Variants in TEX11 observed in about 807,000 individuals in gnomAD.
TEX11 encodes testis expressed 11, also known as testis-expressed protein 11.
A neutral mutation model predicts 84.4 loss-of-function variants in TEX11; 7 were observed. That is an observed-to-expected ratio of 0.08 (90% CI 0.05 to 0.16). The LOEUF (loss-of-function observed/expected upper bound fraction) is 0.16. TEX11 is among the 10% of genes least tolerant of loss of function. TEX11 has a pLI of 1.00. For missense variants in TEX11, 551 were observed against 660.5 expected (o/e 0.83, Z 1.82); for synonymous variants, 264 against 222.8 (o/e 1.18, Z -1.64).
intron 25 of TEX11, among the ~76,000 whole-genome samples, chrX:70,555,413 C>T (rs1185551600): frequency 3.6e-5 from 4 of 111,886 alleles, no homozygotes; most frequent in African/African-American, 1.3e-4. Context: ...ATATATACAA[C>T]AAACTGAAAG....
At chrX:70,574,768 C>T (rs1353984550) in intron 25 of TEX11, among the ~76,000 whole-genome samples, 1 of 111,635 alleles carries the variant, frequency 9.0e-6, no homozygotes, top group Non-Finnish European at 1.9e-5. Context: ...AAGTAGTCAA[C>T]ACACAGGTTA....
chrX:70,601,615 T>C (rs1187656401), intron 24 of TEX11, among the ~76,000 whole-genome samples: 2 of 89,038 alleles, frequency 2.2e-5, no homozygotes, highest in Admixed American at 2.7e-4. Flanking sequence ...AGGACAATAG[T>C]GGAGGGAAGG....
chrX:70,805,401 T>C (rs1034649967), intron 9 of TEX11, among the ~76,000 whole-genome samples: 1 of 109,412 alleles, frequency 9.1e-6, no homozygotes, highest in South Asian at 3.9e-4. Flanking sequence ...GATCCATTTT[T>C]TTTTCTTTTT....
intron 13 of TEX11, among the ~76,000 whole-genome samples, chrX:70,707,285 A>T (rs922510027): frequency 9.9e-5 from 11 of 111,329 alleles, no homozygotes; most frequent in African/African-American, 2.9e-4. Flanking sequence ...GTGCTGTCTT[A>T]TATTATTATC....
the TEX11 span, among the ~76,000 whole-genome samples, chrX:70,521,262 G>A: frequency 3.6e-5 from 4 of 110,664 alleles, no homozygotes; most frequent in African/African-American, 1.3e-4. Context: ...TTCCTATTTG[G>A]CCATCTTGGA....
intron 4 of TEX11, among the ~76,000 whole-genome samples, chrX:70,866,663 C>T (rs2091600876): frequency 9.0e-6 from 1 of 111,481 alleles, no homozygotes; most frequent in East Asian, 2.8e-4. Context: ...ACTGGCAAAT[C>T]GAATCCAGCA....
chrX:70,660,909 C>T (rs2089918509), intron 16 of TEX11, among the ~76,000 whole-genome samples: 1 of 111,206 alleles, frequency 9.0e-6, no homozygotes, highest in Non-Finnish European at 1.9e-5. Flanking sequence ...CCAAGATGGC[C>T]GAATAGAAAC....
At chrX:70,732,103 AC>A (rs1010617712) in intron 11 of TEX11, among the ~76,000 whole-genome samples, 3 of 111,489 alleles carry the variant, frequency 2.7e-5, no homozygotes, top group African/African-American at 6.5e-5. Flanking sequence ...AAATTCAACA[AC>A]CCTTCATGCT....
At chrX:70,650,645 C>T (rs1378792760) in intron 17 of TEX11, among the ~76,000 whole-genome samples, 1 of 111,527 alleles carries the variant, frequency 9.0e-6, no homozygotes, top group African/African-American at 3.3e-5. Context: ...AATAAATGAT[C>T]TTTTTTCTTA....
At chrX:70,640,307 A>T (rs2089637426) in intron 17 of TEX11, among the ~76,000 whole-genome samples, 1 of 106,123 alleles carries the variant, frequency 9.4e-6, no homozygotes, top group Admixed American at 1.0e-4. Context: ...TGTACCTGAA[A>T]GTGATGGGGA....
At position 70,817,379 on chromosome X, in the gene TEX11, A is replaced by T. The variant is rs375649360; in HGVS notation, c.607-10589T>A. 3.5e-4 allele frequency among the ~76,000 whole-genome samples: 39 copies of T among 110,769 alleles called. 1 individual carries two copies. The South Asian group carries it at 0.015, about 43-fold the overall frequency. Reference sequence around the variant, plus strand: ...GCCCAGATCTTGGCTTCTAAATAAGATTTTCTACTAAAATAAATAAGGTCT... The same window carrying T: ...GCCCAGATCTTGGCTTCTAAATAAGTTTTTCTACTAAAATAAATAAGGTCT... On this transcript the variant is annotated intron_variant, in intron 8 of 29. Transcript: ENST00000374333.
intron 21 of TEX11, 94 bp downstream of exon 21, chrX:70,610,409 A>G (rs921110462): frequency 1.2e-6 from 1 of 812,639 alleles, no homozygotes; most frequent in Non-Finnish European, 1.8e-6. Context: ...TAACTCAAAC[A>G]TAAGGTTAAA....
chrX:70,596,167 T>C (rs1184431947), intron 24 of TEX11, among the ~76,000 whole-genome samples: 1 of 111,242 alleles, frequency 9.0e-6, no homozygotes, highest in African/African-American at 3.3e-5. Flanking sequence ...AAGAAAGAAA[T>C]AGATACTTCA....
intron 13 of TEX11, among the ~76,000 whole-genome samples, chrX:70,713,964 T>A (rs1177060702): frequency 1.8e-5 from 2 of 111,880 alleles, no homozygotes; most frequent in Admixed American, 1.9e-4. Flanking sequence ...CTGCTTTGAA[T>A]GTGTCCCAGA....
chrX:70,639,463 G>C (rs1436667904), intron 17 of TEX11, among the ~76,000 whole-genome samples: 1 of 112,280 alleles, frequency 8.9e-6, no homozygotes, highest in Non-Finnish European at 1.9e-5. Flanking sequence ...ACCTCTGGGG[G>C]CAGGGCACAG....
At chrX:70,761,935 A>G (rs1332507035) in intron 9 of TEX11, among the ~76,000 whole-genome samples, 1 of 111,672 alleles carries the variant, frequency 9.0e-6, no homozygotes, top group Non-Finnish European at 1.9e-5. Flanking sequence ...AACAACATAC[A>G]ATGGAGCTCC....
At chrX:70,523,592 T>G in the TEX11 span, among the ~76,000 whole-genome samples, 3 of 109,738 alleles carry the variant, frequency 2.7e-5, no homozygotes, top group Non-Finnish European at 5.7e-5. Context: ...GCCTCCCGAG[T>G]AGCTGGGACT....
At chrX:70,599,478 G>T (rs1457224367) in intron 24 of TEX11, among the ~76,000 whole-genome samples, 1 of 110,206 alleles carries the variant, frequency 9.1e-6, no homozygotes, top group African/African-American at 3.3e-5. Context: ...AGGGTTTAGA[G>T]AACAGGGAGC....
At position 70,815,341 on chromosome X, in the gene TEX11, T is replaced by C. The variant is rs758014309; in HGVS notation, c.607-8551A>G. The stretch of plus-strand genomic sequence containing the variant: ...TTCCATTAAATAAAACATTACTGTG[T>C]CCTAGTTATTCCAGTTAATACATTT... On this transcript the variant is annotated intron_variant, in intron 8 of 29. Coordinates refer to ENST00000374333, the MANE Select transcript of TEX11 (RefSeq NM_031276.3). Among the ~76,000 whole-genome samples, 393 of 111,791 alleles carry C rather than the reference T, an allele frequency of 3.5e-3. 3 individuals are homozygous for C. The highest frequency in any genetic ancestry group is 0.012 in the African/African-American group (372 of 30,853).
Sources: allele counts gnomAD v4.1 joint callset (sites outside exome capture counted in the v4.1 genomes callset), GRCh38; gene constraint gnomAD v4.1.1; transcripts MANE v1.5; gene names NCBI Gene and HGNC (gene_info 2026-07-23, HGNC 2026-07-21).